CHST15: variants seen among roughly 807,000 people sequenced by gnomAD.
The protein encoded by CHST15 is carbohydrate sulfotransferase 15, also known as B cell RAG associated protein (GALNAC4S-6ST).
Under a neutral mutation model 53.6 loss-of-function variants are expected in CHST15, and 30 were observed. The observed-to-expected ratio is 0.56, with a 90% CI of 0.42 to 0.76. CHST15 has a LOEUF of 0.76. CHST15 is among the 30% of genes least tolerant of loss of function. The pLI, the probability that CHST15 is intolerant of heterozygous loss-of-function variation, is 0.00. For missense variants in CHST15, 627 were observed against 740.5 expected (o/e 0.85, Z 1.78); for synonymous variants, 296 against 289.8 (o/e 1.02, Z -0.22).
intron 1 of CHST15, among the ~76,000 whole-genome samples, chr10:124,066,037 CTTTT>C (rs959483710): frequency 1.4e-4 from 19 of 134,820 alleles, no homozygotes; most frequent in African/African-American, 5.1e-4. Context: ...ATTCTTCTGT[CTTTT>C]TGTCTTTTTT....
intron 1 of CHST15, among the ~76,000 whole-genome samples, chr10:124,049,882 A>C (rs1948131218): frequency 6.6e-6 from 1 of 152,012 alleles, no homozygotes; most frequent in Non-Finnish European, 1.5e-5. Context: ...CTGGCATCTG[A>C]AGTGGGGCAG....
chr10:124,014,620 C>A (rs915937862), intron 6 of CHST15, among the ~76,000 whole-genome samples: 4 of 152,230 alleles, frequency 2.6e-5, no homozygotes, highest in Non-Finnish European at 5.9e-5. Flanking sequence ...CACCCGCCTC[C>A]CGGGGCTTTT....
intron 6 of CHST15, among the ~76,000 whole-genome samples, chr10:124,018,182 G>A (rs1206710575): frequency 6.6e-6 from 1 of 152,214 alleles, no homozygotes; most frequent in Non-Finnish European, 1.5e-5. Context: ...ATTCCTGGAG[G>A]GGTCCTGCAC....
chr10:124,039,968 C>T (rs940237449), intron 4 of CHST15, among the ~76,000 whole-genome samples: 1 of 152,126 alleles, frequency 6.6e-6, no homozygotes, highest in Non-Finnish European at 1.5e-5. Context: ...TCATTTCTGT[C>T]GGATGCGTAA....
chr10:124,038,810 G>C (rs547583685), intron 4 of CHST15, 139 bp from the exon 5 acceptor site: 1 of 834,944 alleles, frequency 1.2e-6, no homozygotes, highest in Non-Finnish European at 1.8e-6. Flanking sequence ...GCCTTTGCGG[G>C]CATCTGGGAC....
At chr10:124,015,922 C>G (rs114087414) in intron 6 of CHST15, among the ~76,000 whole-genome samples, 1 of 152,208 alleles carries the variant, frequency 6.6e-6, no homozygotes, top group East Asian at 1.9e-4. Context: ...GGAGTGGTGA[C>G]GAGCCCTGGT....
At chr10:124,088,082 G>A (rs1180596860) in intron 1 of CHST15, among the ~76,000 whole-genome samples, 1 of 152,192 alleles carries the variant, frequency 6.6e-6, no homozygotes, top group Non-Finnish European at 1.5e-5. Context: ...GGAGCTCCGG[G>A]GCTGAAGAAT....
chr10:124,093,155 A>G (rs1949657869), intron 1 of CHST15, among the ~76,000 whole-genome samples: 1 of 152,112 alleles, frequency 6.6e-6, no homozygotes. Context: ...CCCGCTGGGG[A>G]TCGCTGAAGC....
At position 124,020,828 on chromosome 10, in the gene CHST15, A is replaced by G. The variant is rs1034631265; in HGVS notation, c.1347+428T>C. 9.1e-5 allele frequency: 110 copies of G among 1,203,310 alleles called. No homozygotes were observed. The Admixed American group carries it at 1.6e-3, about 18-fold the overall frequency. 74.5% of individuals were successfully genotyped at this position (1,203,310 alleles called of 1,614,324 possible). ...AGGAATCAACAGAAAATGTTTTTCA[A>G]TTGAGACTCTGTCAAAGAAGCATTG... On this transcript the variant is annotated intron_variant, in intron 6 of 7. Transcript: ENST00000435907.
At chr10:124,071,733 G>A (rs1590339702) in intron 1 of CHST15, among the ~76,000 whole-genome samples, 1 of 152,174 alleles carries the variant, frequency 6.6e-6, no homozygotes, top group Non-Finnish European at 1.5e-5. Context: ...GATTTCATAA[G>A]ACTTAGAGTC....
At chr10:124,069,952 C>T (rs1394253697) in intron 1 of CHST15, among the ~76,000 whole-genome samples, 3 of 152,174 alleles carry the variant, frequency 2.0e-5, no homozygotes, top group African/African-American at 4.8e-5. Context: ...CTGTGCCTCC[C>T]TTTAGCTGTA....
intron 6 of CHST15, among the ~76,000 whole-genome samples, chr10:124,015,600 G>A (rs1946562630): frequency 6.6e-6 from 1 of 152,030 alleles, no homozygotes; most frequent in South Asian, 2.1e-4. Flanking sequence ...TCCCCTACTA[G>A]GGATTTCAGT....
intron 1 of CHST15, among the ~76,000 whole-genome samples, chr10:124,050,593 G>A (rs577770951): frequency 6.6e-6 from 1 of 152,186 alleles, no homozygotes; most frequent in Non-Finnish European, 1.5e-5. Flanking sequence ...GGCATTGTCA[G>A]TGCCCCCTGG....
At chr10:124,045,133 A>AAAC (rs1564882303) in intron 2 of CHST15, among the ~76,000 whole-genome samples, 34 of 145,700 alleles carry the variant, frequency 2.3e-4, no homozygotes, top group Admixed American at 4.0e-4. Context: ...AAAAAAAAAA[A>AAAC]AAAAAAAAAA....
chr10:124,075,934 T>G (rs938424934), intron 1 of CHST15, among the ~76,000 whole-genome samples: 12 of 152,128 alleles, frequency 7.9e-5, no homozygotes, highest in Non-Finnish European at 1.6e-4. Context: ...CCCCTCAACT[T>G]TGCAAGGTGG....
chr10:124,060,750 T>C (rs1441252470), intron 1 of CHST15, among the ~76,000 whole-genome samples: 1 of 152,220 alleles, frequency 6.6e-6, no homozygotes, highest in Admixed American at 6.5e-5. Context: ...TGTTTTCAAA[T>C]GAAGTTATAT....
chr10:124,044,508 C>G, intron 3 of CHST15, 72 bp downstream of exon 3: 2 of 1,274,228 alleles, frequency 1.6e-6, no homozygotes, highest in Non-Finnish European at 2.1e-6. Context: ...CCAACCCCAG[C>G]GCTAACGTTG....
At chr10:124,083,698 C>A (rs1437061855) in intron 1 of CHST15, among the ~76,000 whole-genome samples, 1 of 152,172 alleles carries the variant, frequency 6.6e-6, no homozygotes, top group Non-Finnish European at 1.5e-5. Flanking sequence ...ATGCTTTCTT[C>A]CCCCTCATTT....
intron 5 of CHST15, 58 bp from the exon 6 acceptor site, chr10:124,021,470 G>A: frequency 6.4e-7 from 1 of 1,556,926 alleles, no homozygotes; most frequent in South Asian, 1.2e-5. Context: ...CACACCATTT[G>A]GGCGACAATG....
Sources: gnomAD v4.1 joint callset for allele counts (sites outside exome capture counted in the v4.1 genomes callset) on GRCh38, gnomAD v4.1.1 for gene constraint, MANE v1.5 for transcripts, NCBI Gene and HGNC (gene_info 2026-07-23, HGNC 2026-07-21) for gene names.